Variants in PPAT observed in about 807,000 individuals in gnomAD.
PPAT encodes amidophosphoribosyltransferase.
In PPAT, 20 loss-of-function variants were observed where a neutral mutation model predicts 60.2. That is an observed-to-expected ratio of 0.33 (90% CI 0.23 to 0.48). The LOEUF is 0.48. PPAT is among the 20% of genes least tolerant of loss of function. The pLI is 0.99. For synonymous variants in PPAT, 194 were observed against 215.1 expected, an observed-to-expected ratio of 0.90 and a Z score of 0.86; for missense variants, 349 against 629.6, an observed-to-expected ratio of 0.55 and a Z score of 4.77.
intron 1 of PPAT, among the ~76,000 whole-genome samples, chr4:56,415,072 CTT>C (rs1372784500): frequency 1.3e-5 from 2 of 152,108 alleles, no homozygotes; most frequent in Non-Finnish European, 2.9e-5. Context: ...AAGAGCATAT[CTT>C]TTCTTTTTCT....
chr4:56,402,171 T>G lies in PPAT; in HGVS notation c.672A>C (p.Thr224=), dbSNP rs1465031251. ...VSDINDKEKK[T]SETEGWVVSS... is the part of the protein sequence containing the mutation. Reference sequence around the variant, plus strand: ...ACACCACCCATCCTTCTGTTTCTGATGTTTTTTTCTCTGTAAATCACAAAT... The same window carrying G: ...ACACCACCCATCCTTCTGTTTCTGAGGTTTTTTTCTCTGTAAATCACAAAT... The change falls in exon 6 of 11, where the codon ACA becomes ACC. Residue 224 remains threonine, a synonymous_variant. Coordinates refer to ENST00000264220, the MANE Select transcript of PPAT (RefSeq NM_002703.5). 1.2e-6 allele frequency: 2 copies of G among 1,605,178 alleles called. No homozygotes were observed. Among genetic ancestry groups the G allele is most frequent in the Non-Finnish European group, 1.7e-6 (2 of 1,173,212 alleles).
intron 1 of PPAT, among the ~76,000 whole-genome samples, chr4:56,428,708 C>G (rs1405041691): frequency 6.6e-6 from 1 of 152,094 alleles, no homozygotes; most frequent in East Asian, 1.9e-4. Context: ...AATCCTTACA[C>G]TATTGTATGC....
At chr4:56,432,380 T>G (rs1717632650) in intron 1 of PPAT, among the ~76,000 whole-genome samples, 1 of 151,788 alleles carries the variant, frequency 6.6e-6, no homozygotes, top group African/African-American at 2.4e-5. Context: ...ATACAAAAAT[T>G]ACCTGAGTGT....
chr4:56,402,234 A>C, intron 5 of PPAT, 53 bp from the exon 6 acceptor site: 1 of 1,340,090 alleles, frequency 7.5e-7, no homozygotes, highest in Non-Finnish European at 1.1e-6. Context: ...TTAAGAGGCT[A>C]TTTCAATGGA....
At position 56,424,357 on chromosome 4, in the gene PPAT, T is replaced by C. The variant is rs369071533; in HGVS notation, c.128+10993A>G. 2.0e-5 allele frequency among the ~76,000 whole-genome samples: 3 copies of C among 152,190 alleles called. No homozygotes were observed. In the East Asian group the frequency reaches 5.8e-4, roughly 29 times the overall value. ...TCAGGCACCCGTATTTTTAGACGGT[T>C]CTCAAGCATAGCCAGCACTGGAAAC... On this transcript the variant is annotated intron_variant, in intron 1 of 10. Coordinates refer to ENST00000264220, the MANE Select transcript of PPAT (RefSeq NM_002703.5).
intron 6 of PPAT, among the ~76,000 whole-genome samples, chr4:56,401,843 T>C (rs1377258309): frequency 2.6e-5 from 4 of 152,112 alleles, no homozygotes; most frequent in African/African-American, 4.8e-5. Flanking sequence ...CATATTGTAC[T>C]GTAAAAAGAG....
intron 7 of PPAT, among the ~76,000 whole-genome samples, 170 bp from the exon 8 acceptor site, chr4:56,401,081 T>TA (rs1054789033): frequency 3.6e-4 from 54 of 150,476 alleles, no homozygotes; most frequent in Non-Finnish European, 3.9e-4. Flanking sequence ...TGTGTGGTTT[T>TA]AAAAAAAAAA....
intron 1 of PPAT, among the ~76,000 whole-genome samples, chr4:56,433,581 C>T (rs1227457409): frequency 1.3e-5 from 2 of 151,172 alleles, no homozygotes; most frequent in African/African-American, 4.9e-5. Flanking sequence ...ATAACTTTGG[C>T]AAAAAAAGTA....
At chr4:56,411,774 C>A (rs1716475869) in intron 1 of PPAT, among the ~76,000 whole-genome samples, 1 of 152,122 alleles carries the variant, frequency 6.6e-6, no homozygotes, top group African/African-American at 2.4e-5. Context: ...AAATTTAACA[C>A]CTGAGAGAAA....
In PPAT at chr4:56,403,326, G is replaced by C; in HGVS notation, c.478C>G (p.Pro160Ala). 6.2e-7 allele frequency: 1 copy of C among 1,613,992 alleles called. No individual in the cohort carries two copies. The highest frequency in any genetic ancestry group is 1.3e-5 in the African/African-American group (1 of 75,048). The change falls in exon 4 of 11, where the codon CCT (proline) becomes GCT (alanine). Residue 160 changes from proline to alanine, a missense_variant. Physicochemically the swap from Pro to Ala is conservative, Grantham distance 27. Around this residue, in one of 5 missense-constraint regions of PPAT, gnomAD observed 63 missense variants for 86.9 expected, o/e 0.73. Transcript: ENST00000264220. Reference protein sequence around the residue: ...MITQLLAYTPPQEQDDTPDWV... With the variant: ...MITQLLAYTPAQEQDDTPDWV... ...TCTGGGGTGTCATCTTGTTCCTGAG[G>C]AGGGGTATACGCCAGTAACTGGGTA...
intron 10 of PPAT, 126 bp from the exon 11 acceptor site, chr4:56,395,674 TA>T (rs3036882): frequency 0.29 from 131,659 of 460,424 alleles, 5,051 homozygotes; most frequent in East Asian, 0.39. Flanking sequence ...AGCCTTTCTT[TA>T]AAAAAAAAAA....
chr4:56,412,205 C>T (rs926953710), intron 1 of PPAT, among the ~76,000 whole-genome samples: 4 of 152,172 alleles, frequency 2.6e-5, no homozygotes, highest in South Asian at 2.1e-4. Context: ...CAAACTCCTT[C>T]GTTTTCACTC....
intron 10 of PPAT, among the ~76,000 whole-genome samples, chr4:56,395,958 A>G (rs1422996141): frequency 6.6e-6 from 1 of 152,158 alleles, no homozygotes; most frequent in South Asian, 2.1e-4. Flanking sequence ...AGTTTTTATG[A>G]TAATATAGAT....
Position 56,394,121 on chromosome 4 carries a change from TG to T in PPAT, c.*1230del, listed in dbSNP as rs1482453438. The stretch of plus-strand genomic sequence containing the variant: ...AAAAATTCTTACATAAACAAAGGTT[TG>T]GGGTCAAGTCATCTTAAACTTCTAA... On this transcript the variant is annotated 3_prime_UTR_variant, in exon 11 of 11. Coordinates refer to ENST00000264220, the MANE Select transcript of PPAT (RefSeq NM_002703.5). The T allele has an allele frequency of 6.6e-6, 1 of 152,196 alleles. No individual in the cohort carries two copies. Among genetic ancestry groups the T allele is most frequent in the Non-Finnish European group, 1.5e-5 (1 of 68,014 alleles). The allele number at this position is 152,196 out of a possible 1,614,324, so 9.4% of individuals were successfully genotyped here.
intron 9 of PPAT, 72 bp downstream of exon 9, chr4:56,399,107 C>T (rs1716053338): frequency 8.3e-6 from 11 of 1,327,740 alleles, no homozygotes; most frequent in Non-Finnish European, 1.1e-5. Flanking sequence ...TGATTCACTA[C>T]CCTGAATTGC....
At chr4:56,407,749 C>G (rs370582566) in intron 1 of PPAT, 33 bp from the exon 2 acceptor site, 1 of 1,505,334 alleles carries the variant, frequency 6.6e-7, no homozygotes, top group African/African-American at 1.4e-5. Flanking sequence ...GCTGTTAAAT[C>G]TGCCAATTGA....
chr4:56,411,179 T>C (rs1320575446), intron 1 of PPAT, among the ~76,000 whole-genome samples: 1 of 152,212 alleles, frequency 6.6e-6, no homozygotes, highest in African/African-American at 2.4e-5. Context: ...CTGCATGTGA[T>C]ATGTTTTTGA....
rs1454897557 is a variant in PPAT at position 56,432,778 on chromosome 4, ACT to A, written c.128+2570_128+2571del. On this transcript the variant is annotated intron_variant, in intron 1 of 10. Transcript: ENST00000264220. ...CCACCCCAGCCTGGGAGACAGCGAG[ACT>A]CTGTCTCAAAAAAAAAAAAAAAATC... Among the ~76,000 whole-genome samples, 8 of 124,554 alleles carry A rather than the reference ACT, an allele frequency of 6.4e-5. No homozygotes were observed. The Admixed American group carries it at 6.5e-4, about 10-fold the overall frequency. The allele number at this position is 124,554 out of a possible 152,430, so 81.7% of individuals were successfully genotyped here. A position where few individuals can be genotyped will look rare whatever the true frequency, so the allele number is the denominator to read the frequency against.
chr4:56,423,053 C>T (rs1485230331), intron 1 of PPAT: 1 of 152,120 alleles, frequency 6.6e-6, no homozygotes, highest in African/African-American at 2.4e-5. Flanking sequence ...TGCTTGCTAC[C>T]TGATAGTTTG....
Sources: gnomAD v4.1 joint callset for allele counts (sites outside exome capture counted in the v4.1 genomes callset) on GRCh38, gnomAD v4.1.1 for gene constraint, gnomAD v4.1.1 regional missense constraint, MANE v1.5 for transcripts, NCBI Gene and HGNC (gene_info 2026-07-23, HGNC 2026-07-21) for gene names.